The following AJAP1 variants were observed in gnomAD, a reference collection of about 807,000 sequenced individuals.
The protein encoded by AJAP1 is adherens junctions associated protein 1, also known as adherens junction-associated protein 1.
In AJAP1, 5 loss-of-function variants were observed where a neutral mutation model predicts 35.0. That is an observed-to-expected ratio of 0.14 (90% confidence interval 0.07 to 0.30). AJAP1 has a LOEUF of 0.30. Among genes scored for constraint, AJAP1 ranks in the 10% least tolerant of loss-of-function variants. The pLI is 1.00. For missense variants in AJAP1, 586 were observed against 571.0 expected, an observed-to-expected ratio of 1.03 and a Z score of -0.27; for synonymous variants, 284 against 249.3, an observed-to-expected ratio of 1.14 and a Z score of -1.31.
chr1:4,668,946 G>A (rs1418881776), intron 1 of AJAP1, among the ~76,000 whole-genome samples: 1 of 152,214 alleles, frequency 6.6e-6, no homozygotes, highest in African/African-American at 2.4e-5. Flanking sequence ...TTGCCACAGG[G>A]CAATTTGAAT....
chr1:4,656,373 G>A lies in AJAP1; in HGVS notation c.29+919G>A, dbSNP rs1454159831. The stretch of plus-strand genomic sequence containing the variant: ...TCGCCCTCCTGCCGGGGCATTCACC[G>A]AGCTCGTGCATTTGGGTCCCGGGTT... On this transcript the variant is annotated intron_variant, in intron 1 of 5. Coordinates refer to ENST00000378191, the MANE Select transcript of AJAP1 (RefSeq NM_018836.4). This position sits in a 1 kb window ranked among gnomAD's most constrained non-coding sequence, Gnocchi z 5.7. Among the ~76,000 whole-genome samples, 2 of 152,188 alleles carry A rather than the reference G, an allele frequency of 1.3e-5. No individual in the cohort carries two copies. The highest frequency in any genetic ancestry group is 2.9e-5 in the Non-Finnish European group (2 of 68,030).
intron 2 of AJAP1, among the ~76,000 whole-genome samples, chr1:4,760,821 G>A (rs552063123): frequency 1.8e-4 from 27 of 152,232 alleles, no homozygotes; most frequent in Non-Finnish European, 3.1e-4. Context: ...GGGCCCGTGA[G>A]CAGAGGCTGC....
intron 1 of AJAP1, among the ~76,000 whole-genome samples, chr1:4,685,798 T>C (rs934810662): frequency 6.6e-6 from 1 of 152,242 alleles, no homozygotes; most frequent in Non-Finnish European, 1.5e-5. Context: ...CCATGGCCTT[T>C]CCTGGGTAGA....
intron 1 of AJAP1, among the ~76,000 whole-genome samples, chr1:4,701,805 G>A (rs551873289): frequency 1.8e-3 from 274 of 152,268 alleles, no homozygotes; most frequent in African/African-American, 5.9e-3. Flanking sequence ...CGTGGTTCAC[G>A]GAGGCCTGAT....
chr1:4,663,940 C>T (rs1469416325), intron 1 of AJAP1, among the ~76,000 whole-genome samples: 4 of 152,096 alleles, frequency 2.6e-5, no homozygotes, highest in South Asian at 4.1e-4. Context: ...TGCTCATAGC[C>T]GCAGGTTCTT....
intron 2 of AJAP1, among the ~76,000 whole-genome samples, chr1:4,719,407 G>A (rs1013720783): frequency 6.6e-6 from 1 of 152,224 alleles, no homozygotes; most frequent in African/African-American, 2.4e-5. Flanking sequence ...AAGGATGGTA[G>A]AGGAAATGTC....
intron 1 of AJAP1, among the ~76,000 whole-genome samples, chr1:4,676,836 A>T (rs12092619): frequency 0.011 from 1,604 of 152,312 alleles, 27 homozygotes; most frequent in African/African-American, 0.037. Flanking sequence ...GAACATGTGC[A>T]ATGCTGTTGG....
At chr1:4,748,358 T>TTG (rs1360823701) in intron 2 of AJAP1, among the ~76,000 whole-genome samples, 2 of 152,156 alleles carry the variant, frequency 1.3e-5, no homozygotes, top group African/African-American at 4.8e-5. Flanking sequence ...AGCTGAGTTG[T>TTG]TGTGTGTGTC....
At chr1:4,682,883 T>G (rs918024335) in intron 1 of AJAP1, among the ~76,000 whole-genome samples, 43 of 150,728 alleles carry the variant, frequency 2.9e-4, no homozygotes, top group African/African-American at 1.0e-3. Flanking sequence ...GATGATGATG[T>G]TGGTGATGGT....
chr1:4,757,609 C>A (rs1057263438), intron 2 of AJAP1, among the ~76,000 whole-genome samples: 2 of 152,214 alleles, frequency 1.3e-5, no homozygotes, highest in African/African-American at 2.4e-5. Context: ...CTACTACAGA[C>A]ACTCATGGTA....
chr1:4,715,086 A>C (rs1039153666), intron 2 of AJAP1, among the ~76,000 whole-genome samples: 1 of 152,176 alleles, frequency 6.6e-6, no homozygotes, highest in African/African-American at 2.4e-5. Flanking sequence ...AGATGGAAGG[A>C]GTGCTGGGAC....
intron 2 of AJAP1, among the ~76,000 whole-genome samples, chr1:4,768,380 C>A (rs779306437): frequency 6.6e-6 from 1 of 152,204 alleles, no homozygotes; most frequent in Non-Finnish European, 1.5e-5. Flanking sequence ...ACAAAAATTA[C>A]CCCCAGAGAG....
Position 4,789,640 on chromosome 1 carries a change from T to G in AJAP1, c.*7155T>G, listed in dbSNP as rs538458349. ...ATTTCGTCGTTTCCGCAGCAAAATT[T>G]CTTAGTGTTGATGTTGATAGCTTCT... On this transcript the variant is annotated 3_prime_UTR_variant, in exon 6 of 6. Transcript: ENST00000378191. This position sits in a 1 kb window ranked among gnomAD's most constrained non-coding sequence, Gnocchi z 4.4. 2.6e-5 allele frequency: 4 copies of G among 152,320 alleles called. No individual in the cohort carries two copies. The highest frequency in any genetic ancestry group is 7.2e-5 in the African/African-American group (3 of 41,576). 9.4% of individuals were successfully genotyped at this position (152,320 alleles called of 1,614,324 possible).
chr1:4,655,371 C>T lies in AJAP1; in HGVS notation c.-55C>T. On this transcript the variant is annotated 5_prime_UTR_variant, in exon 1 of 6. Transcript: ENST00000378191. The surrounding 1 kb of genome is among the most constrained non-coding windows in gnomAD (Gnocchi z 6.9). ...GACGGAAGCGAGCGGGCGCGGGCGC[C>T]GCGCAGATGGCCTGGGCGAGCCAGG... is the stretch of plus-strand genomic sequence containing the variant. 2 of 1,497,960 alleles carry T rather than the reference C, an allele frequency of 1.3e-6. No homozygotes were observed. The highest frequency in any genetic ancestry group is 1.8e-6 in the Non-Finnish European group (2 of 1,117,782). The allele number at this position is 1,497,960 out of a possible 1,614,324, so 92.8% of individuals were successfully genotyped here. A position where few individuals can be genotyped will look rare whatever the true frequency, so the allele number is the denominator to read the frequency against.
Position 4,744,245 on chromosome 1 carries a change from C to T in AJAP1, c.830-25608C>T, listed in dbSNP as rs563331996. ...AGGCGTGTCTCGTCTGGTGTGCAGC[C>T]GTTCCTGCTGTTCAGAAGCCTCACA... On this transcript the variant is annotated intron_variant, in intron 2 of 5. Transcript: ENST00000378191. Among the ~76,000 whole-genome samples, 6 of 152,326 alleles carry T rather than the reference C, an allele frequency of 3.9e-5. No homozygotes were observed. The East Asian group carries it at 7.7e-4, about 20-fold the overall frequency.
chr1:4,791,159 G>A lies in AJAP1; in HGVS notation c.*8674G>A, dbSNP rs766605533. 1.6e-4 allele frequency: 24 copies of A among 152,080 alleles called. No homozygotes were observed. The highest frequency in any genetic ancestry group is 3.1e-4 in the Non-Finnish European group (21 of 68,036). 9.4% of individuals were successfully genotyped at this position (152,080 alleles called of 1,614,324 possible). A position where few individuals can be genotyped will look rare whatever the true frequency, so the allele number is the denominator to read the frequency against. Reference sequence around the variant, plus strand: ...CTTTACTAACTGACTCTTGGTACCCGGATTGTTGAGAGGTGAGTGGGACTA... The same window carrying A: ...CTTTACTAACTGACTCTTGGTACCCAGATTGTTGAGAGGTGAGTGGGACTA... On this transcript the variant is annotated 3_prime_UTR_variant, in exon 6 of 6. Transcript: ENST00000378191.
Position 4,695,808 on chromosome 1 carries a change from C to A in AJAP1, c.30-16092C>A, listed in dbSNP as rs137896134. On this transcript the variant is annotated intron_variant, in intron 1 of 5. Coordinates refer to ENST00000378191, the MANE Select transcript of AJAP1 (RefSeq NM_018836.4). ...ATTCACTTAATTACCTCTGTAAAGA[C>A]CCTTTCTCCGAATGCAGTCACACCA... Among the ~76,000 whole-genome samples the A allele has an allele frequency of 9.2e-5, 14 of 152,280 alleles. No individual in the cohort carries two copies. The East Asian group carries it at 2.7e-3, about 29-fold the overall frequency.
chr1:4,715,967 C>T (rs1380823642), intron 2 of AJAP1, among the ~76,000 whole-genome samples: 1 of 152,218 alleles, frequency 6.6e-6, no homozygotes, highest in East Asian at 1.9e-4. Context: ...GATGAAACAT[C>T]CATTAAGTGA....
At position 4,788,445 on chromosome 1, in the gene AJAP1, A is replaced by G. The variant is rs1315310415; in HGVS notation, c.*5960A>G. 6.6e-6 allele frequency: 1 copy of G among 152,266 alleles called. No homozygotes were observed. Among genetic ancestry groups the G allele is most frequent in the Non-Finnish European group, 1.5e-5 (1 of 68,074 alleles). The allele number at this position is 152,266 out of a possible 1,614,324, so 9.4% of individuals were successfully genotyped here. Reference sequence around the variant, plus strand: ...TCTAGAAAGGTCTTAGCTAGTGAGCACAAAGTAGCCAATCCCGGGAGTTTA... The same window carrying G: ...TCTAGAAAGGTCTTAGCTAGTGAGCGCAAAGTAGCCAATCCCGGGAGTTTA... On this transcript the variant is annotated 3_prime_UTR_variant, in exon 6 of 6. Coordinates refer to ENST00000378191, the MANE Select transcript of AJAP1 (RefSeq NM_018836.4).
Sources: allele counts gnomAD v4.1 joint callset (sites outside exome capture counted in the v4.1 genomes callset), GRCh38; gene constraint gnomAD v4.1.1; non-coding constraint Gnocchi (gnomAD v3.1); transcripts MANE v1.5; gene names NCBI Gene and HGNC (gene_info 2026-07-23, HGNC 2026-07-21).